DNAJC3: variants seen among roughly 807,000 people sequenced by gnomAD.
The protein encoded by DNAJC3 is dnaJ homolog subfamily C member 3.
A neutral mutation model predicts 68.6 loss-of-function variants in DNAJC3; 38 were observed. The ratio of observed to expected loss-of-function variants is 0.55; its 90% CI spans 0.43 to 0.73. DNAJC3 has a LOEUF of 0.73. Among genes scored for constraint, DNAJC3 ranks in the 30% least tolerant of loss-of-function variants. The probability of loss-of-function intolerance (pLI) is 0.00; values close to 1 mark genes in which losing one functional copy is unlikely to be tolerated. For missense variants in DNAJC3, 526 were observed against 591.9 expected, an observed-to-expected ratio of 0.89 and a Z score of 1.16; for synonymous variants, 203 against 204.0, an observed-to-expected ratio of 1.00 and a Z score of 0.04.
At chr13:95,722,008 A>G (rs1881338107) in intron 2 of DNAJC3, among the ~76,000 whole-genome samples, 1 of 152,218 alleles carries the variant, frequency 6.6e-6, no homozygotes, top group African/African-American at 2.4e-5. Context: ...ACCTGAGTAG[A>G]TAAATCTTTT....
chr13:95,787,683 T>A (rs890006939), intron 11 of DNAJC3, among the ~76,000 whole-genome samples: 18 of 151,876 alleles, frequency 1.2e-4, no homozygotes, highest in African/African-American at 3.1e-4. Flanking sequence ...TTTTTTTTTT[T>A]AATTTTTATT....
intron 4 of DNAJC3, among the ~76,000 whole-genome samples, chr13:95,734,836 T>C (rs1168723119): frequency 6.6e-6 from 1 of 151,274 alleles, no homozygotes; most frequent in Non-Finnish European, 1.5e-5. Flanking sequence ...TTTTTAATTA[T>C]ACTTTAAGTT....
intron 4 of DNAJC3, among the ~76,000 whole-genome samples, chr13:95,755,829 ACT>A (rs1022274602): frequency 6.7e-6 from 1 of 148,862 alleles, no homozygotes; most frequent in Non-Finnish European, 1.5e-5. Context: ...ATCTGGCTTG[ACT>A]CTCTTTGAAA....
At chr13:95,718,939 T>TC (rs1320344061) in intron 2 of DNAJC3, among the ~76,000 whole-genome samples, 1 of 152,122 alleles carries the variant, frequency 6.6e-6, no homozygotes, top group African/African-American at 2.4e-5. Flanking sequence ...TAGCCTAAGA[T>TC]CCCACAGATT....
At position 95,790,882 on chromosome 13, in the gene DNAJC3, A is replaced by G; in HGVS notation, c.1367A>G (p.Lys456Arg). The change falls in exon 12 of 12, where the codon AAG (lysine) becomes AGG (arginine). Residue 456 changes from lysine to arginine, a missense_variant. Lys to Arg is a conservative substitution (Grantham distance 26). Transcript: ENST00000602402. ...TCTGATTTCTTTCTAGAAATGAGAAAGAAGTTTGACGACGGAGAAGATCCT... is the reference window on the plus strand; with the variant it reads ...TCTGATTTCTTTCTAGAAATGAGAAGGAAGTTTGACGACGGAGAAGATCCT... ...KEVLSDPEMR[K>R]KFDDGEDPLD... is the part of the protein sequence containing the mutation. The G allele has an allele frequency of 6.2e-7, 1 of 1,609,264 alleles. No homozygotes were observed.
chr13:95,705,907 A>G (rs1012891693), intron 1 of DNAJC3, among the ~76,000 whole-genome samples: 1 of 152,160 alleles, frequency 6.6e-6, no homozygotes, highest in Non-Finnish European at 1.5e-5. Context: ...ATAAGTGGCA[A>G]TTTGGTGTGT....
At chr13:95,720,062 C>G (rs923182994) in intron 2 of DNAJC3, among the ~76,000 whole-genome samples, 2 of 151,844 alleles carry the variant, frequency 1.3e-5, no homozygotes, top group East Asian at 3.9e-4. Context: ...AGATGTGGAA[C>G]CCATGGATAC....
chr13:95,751,119 T>C (rs1882466790), intron 4 of DNAJC3, among the ~76,000 whole-genome samples: 1 of 152,102 alleles, frequency 6.6e-6, no homozygotes, highest in Admixed American at 6.6e-5. Context: ...CCTGTAGTCC[T>C]AGCTACTTGG....
At chr13:95,683,481 CT>C (rs779242624) in intron 1 of DNAJC3, among the ~76,000 whole-genome samples, 11 of 152,204 alleles carry the variant, frequency 7.2e-5, no homozygotes, top group Non-Finnish European at 1.5e-4. Flanking sequence ...TATCTCCCCC[CT>C]CTCTGTCTTC....
intron 2 of DNAJC3, among the ~76,000 whole-genome samples, chr13:95,716,629 G>GA (rs1458892232): frequency 6.6e-6 from 1 of 152,168 alleles, no homozygotes; most frequent in Admixed American, 6.5e-5. Flanking sequence ...GTGGGGGATG[G>GA]AGTGGTAAGG....
chr13:95,776,544 G>A (rs1274050065), intron 9 of DNAJC3, among the ~76,000 whole-genome samples: 3 of 152,196 alleles, frequency 2.0e-5, no homozygotes, highest in African/African-American at 7.2e-5. Flanking sequence ...CGATATGACA[G>A]ATGTTTGGTC....
chr13:95,746,073 G>T (rs1003135929), intron 4 of DNAJC3, among the ~76,000 whole-genome samples: 1 of 152,324 alleles, frequency 6.6e-6, no homozygotes, highest in African/African-American at 2.4e-5. Context: ...TAGTTGGCAA[G>T]TAGGTTTTAG....
intron 1 of DNAJC3, among the ~76,000 whole-genome samples, chr13:95,682,024 T>A (rs1255727107): frequency 6.6e-6 from 1 of 152,232 alleles, no homozygotes; most frequent in Non-Finnish European, 1.5e-5. Context: ...TCTCACCTTC[T>A]GAAAATGTTG....
chr13:95,739,567 A>C (rs1882053590), intron 4 of DNAJC3, among the ~76,000 whole-genome samples: 1 of 151,744 alleles, frequency 6.6e-6, no homozygotes, highest in Non-Finnish European at 1.5e-5. Context: ...GCTTCATTTC[A>C]TTCATTTCAT....
chr13:95,751,583 A>G (rs571308331), intron 4 of DNAJC3, among the ~76,000 whole-genome samples: 1 of 152,362 alleles, frequency 6.6e-6, no homozygotes, highest in Non-Finnish European at 1.5e-5. Context: ...CGATTACTCC[A>G]GAAAGCTTGG....
chr13:95,765,473 A>G (rs1245705201), intron 9 of DNAJC3, among the ~76,000 whole-genome samples: 1 of 151,742 alleles, frequency 6.6e-6, no homozygotes, highest in East Asian at 1.9e-4. Context: ...TGCATTTGGA[A>G]CTTGAATGTT....
intron 1 of DNAJC3, among the ~76,000 whole-genome samples, chr13:95,683,300 G>T (rs1879974676): frequency 6.6e-6 from 1 of 152,246 alleles, no homozygotes; most frequent in East Asian, 1.9e-4. Flanking sequence ...GTATGATTTA[G>T]ATCTGTGCCC....
chr13:95,705,366 A>G (rs758295651), intron 1 of DNAJC3, among the ~76,000 whole-genome samples: 1 of 152,100 alleles, frequency 6.6e-6, no homozygotes, highest in Non-Finnish European at 1.5e-5. Context: ...GTTTCTGTGC[A>G]ACTCTAAAAT....
At position 95,791,118 on chromosome 13, in the gene DNAJC3, A is replaced by C. The variant is rs1230804119; in HGVS notation, c.*88A>C. 1 of 1,490,798 alleles carries C rather than the reference A, an allele frequency of 6.7e-7. No individual in the cohort carries two copies. Among genetic ancestry groups the C allele is most frequent in the Non-Finnish European group, 9.2e-7 (1 of 1,092,196 alleles). The allele number at this position is 1,490,798 out of a possible 1,614,324, so 92.3% of individuals were successfully genotyped here. A position where few individuals can be genotyped will look rare whatever the true frequency, so the allele number is the denominator to read the frequency against. ...GGGACCCTAATGAAAAAAAATTTCA[A>C]ATCTTTTCAGTTTGTCCATGACCAA... On this transcript the variant is annotated 3_prime_UTR_variant, in exon 12 of 12. Transcript: ENST00000602402.
Sources: allele counts gnomAD v4.1 joint callset (sites outside exome capture counted in the v4.1 genomes callset), GRCh38; gene constraint gnomAD v4.1.1; transcripts MANE v1.5; gene names NCBI Gene and HGNC (gene_info 2026-07-23, HGNC 2026-07-21).